The following TRPC3 variants were observed in gnomAD, a reference collection of about 807,000 sequenced individuals.
TRPC3 encodes the protein transient receptor potential cation channel subfamily C member 3.
TRPC3 carries 54 observed loss-of-function variants against 90.9 expected under a neutral mutation model. That is an observed-to-expected ratio of 0.59 (90% CI 0.48 to 0.75). The LOEUF is 0.75. Among genes scored for constraint, TRPC3 ranks in the 30% least tolerant of loss-of-function variants. The pLI, the probability that TRPC3 is intolerant of heterozygous loss-of-function variation, is 0.00. For missense variants in TRPC3, 918 were observed against 1,194.5 expected (o/e 0.77, Z 3.41); for synonymous variants, 424 against 450.9 (o/e 0.94, Z 0.75).
chr4:121,877,778 CAAAAAAAAAA>C lies in TRPC3; in HGVS notation c.*1948_*1957del, dbSNP rs199924407. Among the ~76,000 whole-genome samples the C allele has an allele frequency of 1.7e-5, 2 of 119,678 alleles. No homozygotes were observed. The highest frequency in any genetic ancestry group is 6.1e-5 in the African/African-American group (2 of 32,548). 78.5% of individuals were successfully genotyped at this position (119,678 alleles called of 152,430 possible). On this transcript the variant is annotated 3_prime_UTR_variant, in exon 12 of 12. Transcript: ENST00000379645. Reference sequence around the variant, plus strand: ...GCTCTACAGTTGTGAGGGGCATGGACAAAAAAAAAAAAAAAAAAAAGTCAGCTTTTTATCC... The same window carrying C: ...GCTCTACAGTTGTGAGGGGCATGGACAAAAAAAAAAGTCAGCTTTTTATCC...
intron 10 of TRPC3, among the ~76,000 whole-genome samples, chr4:121,885,116 G>A (rs1728067829): frequency 6.6e-6 from 1 of 152,194 alleles, no homozygotes; most frequent in Non-Finnish European, 1.5e-5. Flanking sequence ...AAGGCAAGAA[G>A]GTACCTGAGA....
chr4:121,890,668 A>C (rs190443703), intron 10 of TRPC3, among the ~76,000 whole-genome samples: 37 of 152,308 alleles, frequency 2.4e-4, no homozygotes, highest in African/African-American at 8.7e-4. Context: ...TTATTCAAAA[A>C]TTAAAAGAAG....
chr4:121,878,565 C>T lies in TRPC3; in HGVS notation c.*1171G>A, dbSNP rs1022706932. The stretch of plus-strand genomic sequence containing the variant: ...ACTGGGGAACTTACTGGTCTGCATG[C>T]CTTTTCCCATTAAAGTCAAGAGGCA... On this transcript the variant is annotated 3_prime_UTR_variant, in exon 12 of 12. Transcript: ENST00000379645. 6.6e-6 allele frequency among the ~76,000 whole-genome samples: 1 copy of T among 152,164 alleles called. No homozygotes were observed. The highest frequency in any genetic ancestry group is 6.5e-5 in the Admixed American group (1 of 15,280).
intron 1 of TRPC3, among the ~76,000 whole-genome samples, chr4:121,938,331 T>G (rs1414017488): frequency 6.6e-6 from 1 of 152,176 alleles, no homozygotes; most frequent in Admixed American, 6.5e-5. Flanking sequence ...TCAGGCTGAT[T>G]ATTCAGGTTT....
intron 10 of TRPC3, among the ~76,000 whole-genome samples, chr4:121,890,343 A>G (rs1276474728): frequency 6.6e-6 from 1 of 152,238 alleles, no homozygotes; most frequent in Non-Finnish European, 1.5e-5. Flanking sequence ...CAAAGAAATG[A>G]TAAATGAACA....
intron 6 of TRPC3, among the ~76,000 whole-genome samples, chr4:121,909,768 C>T (rs1459853296): frequency 6.6e-6 from 1 of 152,136 alleles, no homozygotes; most frequent in Non-Finnish European, 1.5e-5. Context: ...ATTATCTTAT[C>T]TCCTTGAACC....
chr4:121,936,155 T>G (rs1183275631), intron 1 of TRPC3, among the ~76,000 whole-genome samples: 1 of 152,238 alleles, frequency 6.6e-6, no homozygotes, highest in African/African-American at 2.4e-5. Context: ...AATGGAAGTG[T>G]CTTTTTGTTA....
intron 11 of TRPC3, among the ~76,000 whole-genome samples, chr4:121,881,591 T>C (rs1172212856): frequency 1.3e-5 from 2 of 152,220 alleles, no homozygotes; most frequent in Non-Finnish European, 2.9e-5. Flanking sequence ...AATGCATTCC[T>C]TGTATTAATC....
chr4:121,921,923 T>TG (rs112510264), intron 3 of TRPC3, among the ~76,000 whole-genome samples: 1,291 of 123,714 alleles, frequency 0.01, 18 homozygotes, highest in African/African-American at 0.032. Context: ...TTTTTTGTTT[T>TG]TTTTTTTTTT....
At chr4:121,901,073 C>A (rs866645254) in intron 9 of TRPC3, among the ~76,000 whole-genome samples, 4 of 152,154 alleles carry the variant, frequency 2.6e-5, no homozygotes, top group Admixed American at 2.6e-4. Flanking sequence ...ATTTTCCCTT[C>A]TACATTATGA....
chr4:121,931,793 A>G (rs766546856), intron 2 of TRPC3, among the ~76,000 whole-genome samples: 1 of 152,336 alleles, frequency 6.6e-6, no homozygotes, highest in Non-Finnish European at 1.5e-5. Context: ...ACTATCGTGG[A>G]GATGGAATAG....
At chr4:121,904,546 T>G (rs1290116223) in intron 7 of TRPC3, 29 bp from the exon 8 acceptor site, 5 of 1,488,700 alleles carry the variant, frequency 3.4e-6, no homozygotes, top group Admixed American at 4.9e-5. Flanking sequence ...ACAAAGTAAG[T>G]AAGTTAACAG....
At chr4:121,947,409 C>T (rs1730529511) in intron 1 of TRPC3, among the ~76,000 whole-genome samples, 1 of 152,028 alleles carries the variant, frequency 6.6e-6, no homozygotes, top group Non-Finnish European at 1.5e-5. Flanking sequence ...TGCTTCCAGT[C>T]TAATGCCTGA....
rs566242521 is a variant in TRPC3, at chr4:121,951,362, T to A, written c.215+104A>T. ...ACTGCCTGGCCGTACCATGTGGGTC[T>A]CGGAGGTCCCGGGCTCGACGTGGAG... On this transcript the variant is annotated intron_variant, in intron 1 of 11. Transcript: ENST00000379645. The surrounding 1 kb of genome is among the most constrained non-coding windows in gnomAD (Gnocchi z 4.4). 1.8e-5 allele frequency: 13 copies of A among 732,106 alleles called. No individual in the cohort carries two copies. The South Asian group carries it at 7.9e-4, about 44-fold the overall frequency. 45.4% of individuals were successfully genotyped at this position (732,106 alleles called of 1,614,324 possible).
Position 121,914,845 on chromosome 4 carries a change from C to G in TRPC3, c.1276G>C (p.Val426Leu), listed in dbSNP as rs758648981. ...EQTIAIKCLV[V>L]LVVALGLPFL... ...GGAAGGCCCAGGGCCACGACCAGCA[C>G]AACGAGACACTTGATAGCTATGGTC... The change falls in exon 4 of 12, where the codon GTG (valine) becomes CTG (leucine). Residue 426 changes from valine (V) to leucine (L), a missense_variant. Val to Leu is a conservative substitution (Grantham distance 32, BLOSUM62 1). Around this residue, in one of 4 missense-constraint regions of TRPC3, gnomAD observed 609 missense variants for 725.9 expected, o/e 0.84. Transcript: ENST00000379645. The G allele has an allele frequency of 1.9e-6, 3 of 1,613,874 alleles. No homozygotes were observed. In the South Asian group the frequency reaches 3.3e-5, roughly 18 times the overall value.
At chr4:121,913,817 CAAT>C (rs1003644752) in intron 4 of TRPC3, among the ~76,000 whole-genome samples, 4 of 152,168 alleles carry the variant, frequency 2.6e-5, no homozygotes, top group Admixed American at 1.3e-4. Context: ...ATGGGCAACT[CAAT>C]GATGAAATGA....
Position 121,932,520 on chromosome 4 carries a change from G to A in TRPC3, c.738C>T (p.Tyr246=). 2 of 1,614,218 alleles carry A rather than the reference G, an allele frequency of 1.2e-6. No individual in the cohort carries two copies. The highest frequency in any genetic ancestry group is 1.7e-6 in the Non-Finnish European group (2 of 1,180,038). Residue 246 remains tyrosine, a synonymous_variant, in exon 2 of 12, where the codon TAC becomes TAT. Transcript: ENST00000379645. The surrounding 1 kb of genome is among the most constrained non-coding windows in gnomAD (Gnocchi z 7.7). Reference sequence around the variant, plus strand: ...TCATCAGCAGCATGTGCACCACTTCGTATTTCTGGCAGTGCGCCGCCAGGA... The same window carrying A: ...TCATCAGCAGCATGTGCACCACTTCATATTTCTGGCAGTGCGCCGCCAGGA... ...PIILAAHCQK[Y]EVVHMLLMKG...
Position 121,911,873 on chromosome 4 carries a change from T to A in TRPC3, c.1558+4A>T. The A allele has an allele frequency of 1.9e-6, 3 of 1,606,556 alleles. No homozygotes were observed. The highest frequency in any genetic ancestry group is 8.5e-7 in the Non-Finnish European group (1 of 1,176,832). On this transcript the variant is annotated splice_donor_region_variant and intron_variant, in intron 5 of 11. Transcript: ENST00000379645. ...AATTAGGATATTTAAAATAAAAGAC[T>A]TACCAAGAACCCAGACCATAATTAG...
chr4:121,951,727 T>C lies in TRPC3; in HGVS notation c.-47A>G, dbSNP rs1578668451. On this transcript the variant is annotated 5_prime_UTR_variant, in exon 1 of 12. Coordinates refer to ENST00000379645, the MANE Select transcript of TRPC3 (RefSeq NM_001130698.2). The surrounding 1 kb of genome is among the most constrained non-coding windows in gnomAD (Gnocchi z 4.4). Reference sequence around the variant, plus strand: ...GTGGGGGTGCCGGCTGCCGGCCTCCTCCGCCTTCGCGGCAGTGCAGTCTTC... The same window carrying C: ...GTGGGGGTGCCGGCTGCCGGCCTCCCCCGCCTTCGCGGCAGTGCAGTCTTC... The C allele has an allele frequency of 7.8e-7, 1 of 1,279,684 alleles. No homozygotes were observed. The highest frequency in any genetic ancestry group is 3.2e-5 in the East Asian group (1 of 31,570). The allele number at this position is 1,279,684 out of a possible 1,614,324, so 79.3% of individuals were successfully genotyped here.
Sources: gnomAD v4.1 joint callset for allele counts (sites outside exome capture counted in the v4.1 genomes callset) on GRCh38, gnomAD v4.1.1 for gene constraint, gnomAD v4.1.1 regional missense constraint, Gnocchi (gnomAD v3.1) non-coding constraint, MANE v1.5 for transcripts, NCBI Gene and HGNC (gene_info 2026-07-23, HGNC 2026-07-21) for gene names.